The following GAP43 variants were observed in gnomAD, a reference collection of about 807,000 sequenced individuals.
GAP43 encodes the protein growth associated protein 43.
A neutral mutation model predicts 18.6 loss-of-function variants in GAP43; 6 were observed. The ratio of observed to expected loss-of-function variants is 0.32; its 90% confidence interval spans 0.18 to 0.64. The LOEUF (loss-of-function observed/expected upper bound fraction) is 0.64, where lower values mean the gene tolerates loss of function less well. Among genes scored for constraint, GAP43 ranks in the 30% least tolerant of loss-of-function variants. The pLI, the probability that GAP43 is intolerant of heterozygous loss-of-function variation, is 0.78. For synonymous variants in GAP43, 115 were observed against 111.4 expected (o/e 1.03, Z -0.20); for missense variants, 292 against 295.5 (o/e 0.99, Z 0.09).
chr3:115,683,176 C>T (rs1049603561), intron 2 of GAP43, among the ~76,000 whole-genome samples: 14 of 151,220 alleles, frequency 9.3e-5, no homozygotes, highest in African/African-American at 3.2e-4. Flanking sequence ...CACACACACA[C>T]ACACACACAC....
chr3:115,709,469 C>T (rs887166248), intron 2 of GAP43, among the ~76,000 whole-genome samples: 1 of 152,044 alleles, frequency 6.6e-6, no homozygotes, highest in African/African-American at 2.4e-5. Flanking sequence ...TGGAGTGAAA[C>T]GGGGAGATGT....
chr3:115,676,734 G>A, intron 2 of GAP43, 124 bp downstream of exon 2: 1 of 1,055,070 alleles, frequency 9.5e-7, no homozygotes, highest in Non-Finnish European at 1.3e-6. Flanking sequence ...CAGAAATCAA[G>A]GGAAGCTGTG....
At chr3:115,683,141 G>GCACACACA (rs1472371618) in intron 2 of GAP43, among the ~76,000 whole-genome samples, 8 of 121,320 alleles carry the variant, frequency 6.6e-5, no homozygotes, top group Non-Finnish European at 3.6e-5. Context: ...GCGTGCGCGC[G>GCACACACA]CGCGCGCACA....
chr3:115,644,311 G>C lies in GAP43; in HGVS notation c.30+20592G>C, dbSNP rs1183422499. Among the ~76,000 whole-genome samples, 1 of 152,026 alleles carries C rather than the reference G, an allele frequency of 6.6e-6. No homozygotes were observed. The highest frequency in any genetic ancestry group is 1.5e-5 in the Non-Finnish European group (1 of 67,980). ...TGCCACTGGCACCATGTGGCTTTGA[G>C]TGATTATTGTATTTTACCTGATAGT... On this transcript the variant is annotated intron_variant, in intron 1 of 2. Coordinates refer to ENST00000305124, the MANE Select transcript of GAP43 (RefSeq NM_002045.4). This position sits in a 1 kb window ranked among gnomAD's most constrained non-coding sequence, Gnocchi z 4.2.
At chr3:115,656,437 C>T (rs1018923400) in intron 1 of GAP43, among the ~76,000 whole-genome samples, 5 of 152,060 alleles carry the variant, frequency 3.3e-5, no homozygotes, top group African/African-American at 1.2e-4. Flanking sequence ...TTATACTAGG[C>T]TCCCTCGACC....
chr3:115,637,170 T>C (rs896734772), intron 1 of GAP43, among the ~76,000 whole-genome samples: 3 of 152,026 alleles, frequency 2.0e-5, no homozygotes, highest in Admixed American at 6.6e-5. Context: ...ACATACTACC[T>C]GTCCTTTGCT....
chr3:115,680,894 T>G (rs1708951463), intron 2 of GAP43, among the ~76,000 whole-genome samples: 1 of 152,216 alleles, frequency 6.6e-6, no homozygotes. Context: ...TTTTCAGCTT[T>G]CCAAAAGATA....
intron 1 of GAP43, among the ~76,000 whole-genome samples, chr3:115,632,301 G>T (rs1708270229): frequency 6.6e-6 from 1 of 152,072 alleles, no homozygotes; most frequent in African/African-American, 2.4e-5. Context: ...TGAAAATGTA[G>T]ATACAGTTTG....
chr3:115,662,441 A>G (rs983632452), intron 1 of GAP43, among the ~76,000 whole-genome samples: 12 of 152,274 alleles, frequency 7.9e-5, no homozygotes, highest in Admixed American at 3.9e-4. Context: ...ATGACTTTGA[A>G]TTGCAAATTT....
chr3:115,711,079 G>A lies in GAP43; in HGVS notation c.629-9715G>A, dbSNP rs147126384. On this transcript the variant is annotated intron_variant, in intron 2 of 2. Coordinates refer to ENST00000305124, the MANE Select transcript of GAP43 (RefSeq NM_002045.4). ...TGCCTTTTTCAATTTTATGACCATA[G>A]TAGAGAAATTACCTAATTTCTTACA... Among the ~76,000 whole-genome samples the A allele has an allele frequency of 2.4e-4, 36 of 152,250 alleles. No individual in the cohort carries two copies. The East Asian group carries it at 6.8e-3, about 29-fold the overall frequency.
chr3:115,711,262 T>G (rs1236213933), intron 2 of GAP43, among the ~76,000 whole-genome samples: 1 of 152,172 alleles, frequency 6.6e-6, no homozygotes, highest in East Asian at 1.9e-4. Context: ...ACGCATGTAT[T>G]TGGAATTCCC....
At chr3:115,696,587 C>CCCCCA (rs1553724441) in intron 2 of GAP43, among the ~76,000 whole-genome samples, 1 of 129,260 alleles carries the variant, frequency 7.7e-6, no homozygotes, top group African/African-American at 3.0e-5. Flanking sequence ...CGCCCCCCCC[C>CCCCCA]CCCACAAACA....
intron 2 of GAP43, among the ~76,000 whole-genome samples, chr3:115,691,995 ATT>A (rs1274466336): frequency 5.9e-5 from 9 of 152,332 alleles, no homozygotes; most frequent in African/African-American, 2.2e-4. Flanking sequence ...AAACTTAAAA[ATT>A]GCCTAAGCCT....
intron 2 of GAP43, among the ~76,000 whole-genome samples, chr3:115,689,905 C>T (rs188377227): frequency 1.2e-4 from 18 of 152,140 alleles, no homozygotes; most frequent in South Asian, 6.2e-4. Flanking sequence ...GAATAATAGG[C>T]GAGAAAGCAA....
chr3:115,627,827 G>A lies in GAP43; in HGVS notation c.30+4108G>A, dbSNP rs1238001111. On this transcript the variant is annotated intron_variant, in intron 1 of 2. Transcript: ENST00000305124. Reference sequence around the variant, plus strand: ...TCAATTTGTGAAGTGTGGTCAGGTGGCTTTTGTACCTTTGTAATTAAATCT... The same window carrying A: ...TCAATTTGTGAAGTGTGGTCAGGTGACTTTTGTACCTTTGTAATTAAATCT... 2.6e-5 allele frequency among the ~76,000 whole-genome samples: 4 copies of A among 152,232 alleles called. No homozygotes were observed. The East Asian group carries it at 5.8e-4, about 22-fold the overall frequency.
At chr3:115,677,382 A>G (rs1559798893) in intron 2 of GAP43, among the ~76,000 whole-genome samples, 2 of 152,210 alleles carry the variant, frequency 1.3e-5, no homozygotes, top group African/African-American at 2.4e-5. Context: ...TATGATTACA[A>G]AAAGGTACTG....
At chr3:115,695,670 C>G (rs968890791) in intron 2 of GAP43, among the ~76,000 whole-genome samples, 2 of 152,148 alleles carry the variant, frequency 1.3e-5, no homozygotes, top group African/African-American at 4.8e-5. Flanking sequence ...TGTCTATACT[C>G]TCTCCAATTT....
intron 1 of GAP43, among the ~76,000 whole-genome samples, chr3:115,652,499 T>G (rs1390640602): frequency 6.6e-6 from 1 of 150,584 alleles, no homozygotes; most frequent in Admixed American, 6.7e-5. Flanking sequence ...ATTCTCCCAC[T>G]TCAGCTTCCC....
chr3:115,647,021 C>A (rs1430721738), intron 1 of GAP43, among the ~76,000 whole-genome samples: 2 of 152,026 alleles, frequency 1.3e-5, no homozygotes, highest in Non-Finnish European at 2.9e-5. Context: ...TAGTTCCCCT[C>A]ACATTTCCTC....
Sources: gnomAD v4.1 joint callset for allele counts (sites outside exome capture counted in the v4.1 genomes callset) on GRCh38, gnomAD v4.1.1 for gene constraint, Gnocchi (gnomAD v3.1) non-coding constraint, MANE v1.5 for transcripts, NCBI Gene and HGNC (gene_info 2026-07-23, HGNC 2026-07-21) for gene names.